The following DOCK8 variants were observed in gnomAD, a reference collection of about 807,000 sequenced individuals.
DOCK8 encodes dedicator of cytokinesis 8.
A neutral mutation model predicts 245.6 loss-of-function variants in DOCK8; 141 were observed. That is an observed-to-expected ratio of 0.57 (90% CI 0.50 to 0.66). The LOEUF is 0.66. Among genes scored for constraint, DOCK8 ranks in the 30% least tolerant of loss-of-function variants. DOCK8 has a pLI of 0.00. For synonymous variants in DOCK8, 1,168 were observed against 970.2 expected (o/e 1.20, Z -3.79); for missense variants, 2,965 against 2,603.4 (o/e 1.14, Z -3.02).
intron 35 of DOCK8, among the ~76,000 whole-genome samples, chr9:428,978 T>G (rs1156351521): frequency 1.3e-5 from 2 of 152,234 alleles, no homozygotes; most frequent in Non-Finnish European, 2.9e-5. Context: ...ATTTATTTAT[T>G]TATTTTTGAG....
intron 16 of DOCK8, among the ~76,000 whole-genome samples, chr9:370,585 A>G (rs1219801223): frequency 1.3e-5 from 2 of 152,220 alleles, no homozygotes; most frequent in Middle Eastern, 3.2e-3. Context: ...AATTAAGGAA[A>G]CACATTTCCT....
At chr9:311,230 A>G (rs973598294) in intron 5 of DOCK8, among the ~76,000 whole-genome samples, 25 of 151,162 alleles carry the variant, frequency 1.7e-4, no homozygotes, top group Non-Finnish European at 2.9e-4. Context: ...GGTTGCAGTG[A>G]GCTGAGATGG....
chr9:274,825 G>T (rs1190872973), intron 2 of DOCK8, among the ~76,000 whole-genome samples: 2 of 152,136 alleles, frequency 1.3e-5, no homozygotes, highest in East Asian at 3.9e-4. Context: ...GCATTATTTT[G>T]GCTAATTGAA....
chr9:400,976 A>ACCACCACCTCCACCACCACCC (rs1198131607), intron 26 of DOCK8, among the ~76,000 whole-genome samples: 1 of 138,002 alleles, frequency 7.2e-6, no homozygotes, highest in Non-Finnish European at 1.6e-5. Flanking sequence ...CTCCTCCACC[A>ACCACCACCTCCACCACCACCC]TCACCACCTC....
At chr9:243,704 A>G (rs1414603817) in intron 1 of DOCK8, among the ~76,000 whole-genome samples, 1 of 151,984 alleles carries the variant, frequency 6.6e-6, no homozygotes, top group East Asian at 1.9e-4. Context: ...GTTCCAGATA[A>G]AGTGTTATTC....
At chr9:348,844 A>G (rs2052024863) in intron 14 of DOCK8, among the ~76,000 whole-genome samples, 1 of 152,148 alleles carries the variant, frequency 6.6e-6, no homozygotes. Context: ...GCTATTTTGC[A>G]GCTTTTTCAT....
Position 317,026 on chromosome 9 carries a change from G to A in DOCK8, c.742-17G>A, listed in dbSNP as rs371434331. The A allele has an allele frequency of 7.5e-6, 12 of 1,597,496 alleles. No individual in the cohort carries two copies. The Admixed American group carries it at 8.3e-5, about 11-fold the overall frequency. On this transcript the variant is annotated splice_polypyrimidine_tract_variant and intron_variant, in intron 6 of 47. Coordinates refer to ENST00000432829, the MANE Select transcript of DOCK8 (RefSeq NM_203447.4). ...CAGAATTCACTAATGATTTCCTTAC[G>A]ATGTGATTAAAAATAGGAGGATGCT...
chr9:330,070 G>T (rs537775921), intron 9 of DOCK8, among the ~76,000 whole-genome samples: 330 of 152,058 alleles, frequency 2.2e-3, no homozygotes, highest in Non-Finnish European at 3.6e-3. Context: ...TTTCTTTTTT[G>T]TTTATATTCC....
At chr9:314,972 G>C (rs1448052084) in intron 6 of DOCK8, among the ~76,000 whole-genome samples, 1 of 152,160 alleles carries the variant, frequency 6.6e-6, no homozygotes, top group Non-Finnish European at 1.5e-5. Context: ...GTCTACAAAA[G>C]GCGGTTATTC....
chr9:451,971 ATATATATTTTTT>A (rs1564085387), intron 45 of DOCK8, 28 bp from the exon 46 acceptor site: 6 of 401,332 alleles, frequency 1.5e-5, no homozygotes, highest in East Asian at 1.3e-4. Flanking sequence ...ATATATATAT[ATATATATTTTTT>A]TTTTTTTTTT....
intron 14 of DOCK8, among the ~76,000 whole-genome samples, chr9:344,807 G>A (rs565616183): frequency 1.4e-4 from 22 of 152,194 alleles, no homozygotes; most frequent in African/African-American, 3.4e-4. Flanking sequence ...TAGCGCTTTC[G>A]GAGGCCAAGG....
chr9:420,972 C>G lies in DOCK8; in HGVS notation c.4047C>G (p.Val1349=), dbSNP rs924895553. 2.5e-6 allele frequency: 4 copies of G among 1,614,084 alleles called. No individual in the cohort carries two copies. The highest frequency in any genetic ancestry group is 2.7e-5 in the African/African-American group (2 of 74,924). ...EYKGKQSSDK[V]STQVLQKSRD... ...AGGGAAAACAGAGTTCTGACAAAGTCAGTACCCAAGTCCTGCAGAAGTCAA... is the reference window on the plus strand; with the variant it reads ...AGGGAAAACAGAGTTCTGACAAAGTGAGTACCCAAGTCCTGCAGAAGTCAA... The change falls in exon 32 of 48, where the codon GTC becomes GTG. Residue 1349 remains valine, a synonymous_variant. Coordinates refer to ENST00000432829, the MANE Select transcript of DOCK8 (RefSeq NM_203447.4).
chr9:375,472 A>T (rs890752651), intron 18 of DOCK8, among the ~76,000 whole-genome samples: 1 of 152,260 alleles, frequency 6.6e-6, no homozygotes, highest in Non-Finnish European at 1.5e-5. Flanking sequence ...AATATCGGGT[A>T]CTCAAAAGTA....
At chr9:239,678 C>G (rs1269981414) in intron 1 of DOCK8, among the ~76,000 whole-genome samples, 1 of 152,116 alleles carries the variant, frequency 6.6e-6, no homozygotes, top group African/African-American at 2.4e-5. Flanking sequence ...TAAGCAAATA[C>G]TTTAAAAATC....
At chr9:327,527 C>T (rs1174236176) in intron 8 of DOCK8, among the ~76,000 whole-genome samples, 2 of 151,762 alleles carry the variant, frequency 1.3e-5, no homozygotes, top group South Asian at 2.1e-4. Context: ...CGTCCCAAGT[C>T]GCTGGAACCA....
At chr9:332,814 T>C (rs2051087398) in intron 10 of DOCK8, among the ~76,000 whole-genome samples, 1 of 152,056 alleles carries the variant, frequency 6.6e-6, no homozygotes, top group South Asian at 2.1e-4. Flanking sequence ...CATGCCACCA[T>C]GCTTGGCTAG....
intron 43 of DOCK8, among the ~76,000 whole-genome samples, chr9:446,004 C>G (rs983492544): frequency 2.0e-5 from 3 of 152,244 alleles, no homozygotes; most frequent in African/African-American, 4.8e-5. Context: ...GCCATTCATG[C>G]TTCCTCATAA....
chr9:311,285 T>TA (rs57814753), intron 5 of DOCK8, among the ~76,000 whole-genome samples: 209 of 141,722 alleles, frequency 1.5e-3, no homozygotes, highest in Admixed American at 1.8e-3. Context: ...ACTCGGTCTT[T>TA]AAAAAAAAAA....
chr9:241,227 T>C (rs2131413441), intron 1 of DOCK8, among the ~76,000 whole-genome samples: 1 of 152,292 alleles, frequency 6.6e-6, no homozygotes, highest in East Asian at 1.9e-4. Context: ...TTTCTTTGTA[T>C]TGGGCATGTT....
Sources: gnomAD v4.1 joint callset for allele counts (sites outside exome capture counted in the v4.1 genomes callset) on GRCh38, gnomAD v4.1.1 for gene constraint, MANE v1.5 for transcripts, NCBI Gene and HGNC (gene_info 2026-07-23, HGNC 2026-07-21) for gene names.